The following PARN variants were observed in gnomAD, a reference collection of about 807,000 sequenced individuals.
PARN encodes poly(A)-specific ribonuclease, also known as poly(A)-specific ribonuclease PARN.
Under a neutral mutation model 102.8 loss-of-function variants are expected in PARN, and 71 were observed. That is an observed-to-expected ratio of 0.69 (90% CI 0.57 to 0.84). The LOEUF (loss-of-function observed/expected upper bound fraction) is 0.84, where lower values mean the gene tolerates loss of function less well. Among genes scored for constraint, PARN ranks in the 40% least tolerant of loss-of-function variants. PARN has a pLI of 0.00. For synonymous variants in PARN, 261 were observed against 252.9 expected (o/e 1.03, Z -0.30); for missense variants, 782 against 760.9 (o/e 1.03, Z -0.33).
At chr16:14,604,792 T>C (rs962414087) in intron 10 of PARN, among the ~76,000 whole-genome samples, 7 of 151,914 alleles carry the variant, frequency 4.6e-5, no homozygotes, top group Non-Finnish European at 1.0e-4. Context: ...ATTTTTGTAT[T>C]TGTAGTAGAG....
At chr16:14,583,206 C>A (rs1969636590) in intron 16 of PARN, among the ~76,000 whole-genome samples, 1 of 152,206 alleles carries the variant, frequency 6.6e-6, no homozygotes, top group South Asian at 2.1e-4. Context: ...AGACTGAATT[C>A]TCTACCAGAT....
Position 14,584,408 on chromosome 16 carries a change from G to A in PARN, c.1020C>T (p.Asn340=), listed in dbSNP as rs1476494198. The A allele has an allele frequency of 1.2e-6, 2 of 1,612,446 alleles. No homozygotes were observed. The highest frequency in any genetic ancestry group is 1.3e-5 in the African/African-American group (1 of 74,978). ...STQPFKDIIN[N]TSLAELEKRL... is the part of the protein sequence containing the mutation. The stretch of plus-strand genomic sequence containing the variant: ...GCTTTTCCAATTCCGCAAGGGATGT[G>A]TTGTTAATGATATCCTGCAAACCAC... The change falls in exon 16 of 24, where the codon AAC becomes AAT. Residue 340 remains asparagine, a synonymous_variant. Transcript: ENST00000437198.
At chr16:14,599,774 G>T (rs766682266) in intron 12 of PARN, 130 bp downstream of exon 12, 2 of 577,092 alleles carry the variant, frequency 3.5e-6, no homozygotes, top group African/African-American at 1.9e-5. Flanking sequence ...TCTTGATGAA[G>T]TTCTAACTTC....
At chr16:14,590,144 G>A (rs1014795754) in intron 13 of PARN, among the ~76,000 whole-genome samples, 3 of 146,034 alleles carry the variant, frequency 2.1e-5, no homozygotes, top group Admixed American at 6.9e-5. Context: ...CCAGCTACTC[G>A]GGGGGCTGAG....
chr16:14,613,039 G>A (rs958413684), intron 6 of PARN, among the ~76,000 whole-genome samples: 5 of 151,088 alleles, frequency 3.3e-5, no homozygotes, highest in African/African-American at 9.7e-5. Flanking sequence ...ACGGGGCGCG[G>A]TGGCTCACGC....
chr16:14,545,219 A>G (rs952042379), intron 21 of PARN, among the ~76,000 whole-genome samples: 1 of 152,216 alleles, frequency 6.6e-6, no homozygotes, highest in African/African-American at 2.4e-5. Context: ...ATATATGAAT[A>G]AGACTAACCA....
At position 14,542,531 on chromosome 16, in the gene PARN, G is replaced by A. The variant is rs532410091; in HGVS notation, c.1480+9490C>T. 2.7e-4 allele frequency among the ~76,000 whole-genome samples: 40 copies of A among 146,624 alleles called. 1 individual carries two copies. The highest frequency in any genetic ancestry group is 2.5e-3 in the Admixed American group (37 of 14,616). ...TTATAACTATGTTCAATGAGGTAAA[G>A]AAATAAAGACTAAGTGGCCAGGAAC... On this transcript the variant is annotated intron_variant, in intron 21 of 23. Transcript: ENST00000437198.
chr16:14,506,256 A>C (rs906692015), intron 21 of PARN, among the ~76,000 whole-genome samples: 1 of 152,250 alleles, frequency 6.6e-6, no homozygotes, highest in Non-Finnish European at 1.5e-5. Flanking sequence ...CTGGGGAACT[A>C]TTCCAGATTA....
chr16:14,444,017 G>A (rs147006896), intron 23 of PARN, among the ~76,000 whole-genome samples: 12 of 152,292 alleles, frequency 7.9e-5, no homozygotes, highest in South Asian at 2.1e-4. Flanking sequence ...AGAGTTTAAT[G>A]CAGACCCTCA....
At chr16:14,576,528 C>A (rs1381642607) in intron 18 of PARN, among the ~76,000 whole-genome samples, 1 of 152,146 alleles carries the variant, frequency 6.6e-6, no homozygotes, top group Non-Finnish European at 1.5e-5. Context: ...TTCTGTTGTA[C>A]AATAAAAAGC....
intron 22 of PARN, among the ~76,000 whole-genome samples, chr16:14,456,299 A>G (rs1399210467): frequency 6.6e-6 from 1 of 151,948 alleles, no homozygotes; most frequent in East Asian, 1.9e-4. Flanking sequence ...CCTCCTGAGT[A>G]GCTGGGACTA....
intron 21 of PARN, among the ~76,000 whole-genome samples, chr16:14,532,847 G>A (rs533983073): frequency 1.3e-4 from 20 of 151,392 alleles, no homozygotes; most frequent in African/African-American, 3.2e-4. Context: ...GTGGCTGGCC[G>A]GGCGGGGGGC....
rs561660360 is a variant in PARN, at chr16:14,563,397, A to G, written c.1263-7688T>C. Among the ~76,000 whole-genome samples the G allele has an allele frequency of 2.6e-5, 4 of 152,184 alleles. No homozygotes were observed. The East Asian group carries it at 7.7e-4, about 29-fold the overall frequency. On this transcript the variant is annotated intron_variant, in intron 18 of 23. Transcript: ENST00000437198. ...CACGAAGGAAGGTTGTGAGTGTACCATGACAGATCTGGCTGGCAGGCCACT... is the reference window on the plus strand; with the variant it reads ...CACGAAGGAAGGTTGTGAGTGTACCGTGACAGATCTGGCTGGCAGGCCACT...
intron 21 of PARN, among the ~76,000 whole-genome samples, chr16:14,494,404 A>T (rs1964206329): frequency 6.6e-6 from 1 of 152,290 alleles, no homozygotes; most frequent in African/African-American, 2.4e-5. Context: ...GGAGTTTCCC[A>T]TGGGGAAATG....
At chr16:14,557,648 A>G (rs1967781155) in intron 18 of PARN, among the ~76,000 whole-genome samples, 1 of 151,906 alleles carries the variant, frequency 6.6e-6, no homozygotes, top group African/African-American at 2.4e-5. Flanking sequence ...TTAATGTCAG[A>G]AAAAACGAAG....
chr16:14,554,047 T>G lies in PARN; in HGVS notation c.1405+18A>C, dbSNP rs763471635. 1.9e-6 allele frequency: 3 copies of G among 1,568,176 alleles called. No individual in the cohort carries two copies. The highest frequency in any genetic ancestry group is 4.5e-5 in the East Asian group (2 of 44,564). Reference sequence around the variant, plus strand: ...GAATAGCAAAACCCTAAAAAGTACATCTGAACTTGCGACTTACCAAAGGCA... The same window carrying G: ...GAATAGCAAAACCCTAAAAAGTACAGCTGAACTTGCGACTTACCAAAGGCA... On this transcript the variant is annotated intron_variant, in intron 20 of 23. Transcript: ENST00000437198.
intron 22 of PARN, among the ~76,000 whole-genome samples, chr16:14,457,690 CG>C (rs1434298286): frequency 6.7e-6 from 1 of 148,658 alleles, no homozygotes; most frequent in African/African-American, 2.5e-5. Context: ...CCCAGCTACT[CG>C]GAAGGCTGAG....
chr16:14,588,160 A>C (rs982914991), intron 13 of PARN, among the ~76,000 whole-genome samples: 4 of 152,234 alleles, frequency 2.6e-5, no homozygotes, highest in Non-Finnish European at 4.4e-5. Context: ...CACCGCGGAA[A>C]GTTAAGGGAA....
intron 22 of PARN, among the ~76,000 whole-genome samples, chr16:14,469,615 T>C (rs993509398): frequency 6.6e-6 from 1 of 152,108 alleles, no homozygotes; most frequent in Non-Finnish European, 1.5e-5. Context: ...CATTTTTCAT[T>C]CATCCACCAA....
Sources: gnomAD v4.1 joint callset for allele counts (sites outside exome capture counted in the v4.1 genomes callset) on GRCh38, gnomAD v4.1.1 for gene constraint, MANE v1.5 for transcripts, NCBI Gene and HGNC (gene_info 2026-07-23, HGNC 2026-07-21) for gene names.